Variants in AMZ1 observed in about 807,000 individuals in gnomAD.
The protein encoded by AMZ1 is archaemetzincin-1.
In AMZ1, 39 loss-of-function variants were observed where a neutral mutation model predicts 29.9. The ratio of observed to expected loss-of-function variants is 1.30; its 90% CI spans 1.01 to 1.70. AMZ1 has a LOEUF of 1.70. AMZ1 is among the 40% of genes most tolerant of loss of function. AMZ1 has a pLI of 0.00. For missense variants in AMZ1, 1,041 were observed against 680.6 expected (o/e 1.53, Z -5.89); for synonymous variants, 458 against 304.0 (o/e 1.51, Z -5.27).
intron 3 of AMZ1, 89 bp from the exon 4 acceptor site, chr7:2,708,499 G>A (rs1189924319): frequency 6.4e-7 from 1 of 1,570,930 alleles, no homozygotes; most frequent in African/African-American, 1.3e-5. Context: ...CCCAGGCAGA[G>A]GAAGAGGATG....
downstream of AMZ1, among the ~76,000 whole-genome samples, chr7:2,723,532 G>A (rs1005710371): frequency 6.6e-6 from 1 of 152,178 alleles, no homozygotes; most frequent in African/African-American, 2.4e-5. Context: ...CCGAGGCTGC[G>A]GGAGATCCCT....
chr7:2,762,517 A>G, upstream of AMZ1: 1 of 1,046,170 alleles, frequency 9.6e-7, no homozygotes, highest in African/African-American at 1.6e-5. Flanking sequence ...ACTGTGGACT[A>G]CAAAAGCAGT....
At chr7:2,692,306 C>T (rs911291698) in intron 1 of AMZ1, among the ~76,000 whole-genome samples, 5 of 151,858 alleles carry the variant, frequency 3.3e-5, no homozygotes, top group Non-Finnish European at 5.9e-5. Context: ...TCTGGGAGGC[C>T]GAGGCGGGCG....
Position 2,689,370 on chromosome 7 carries a change from T to TTGGG in AMZ1, c.-219+1074_-219+1075insTGGG, listed in dbSNP as rs1554244929. 1.5e-4 allele frequency among the ~76,000 whole-genome samples: 22 copies of TTGGG among 149,658 alleles called. No individual in the cohort carries two copies. In the South Asian group the frequency reaches 4.5e-3, roughly 30 times the overall value. ...GTTGCTTAGAGCGGCAGAACCTCCCTGGGGGGGGGATGCGGACGTGCTCTT... is the reference window on the plus strand; with the variant it reads ...GTTGCTTAGAGCGGCAGAACCTCCCTTGGGGGGGGGGGGATGCGGACGTGCTCTT... On this transcript the variant is annotated intron_variant, in intron 1 of 6. Transcript: ENST00000683327.
chr7:2,724,897 C>T (rs191419263), intron 4 of AMZ1, among the ~76,000 whole-genome samples: 57 of 152,278 alleles, frequency 3.7e-4, no homozygotes, highest in Non-Finnish European at 7.2e-4. Flanking sequence ...GAGCGATTCT[C>T]GTCCCCGCCA....
rs57615459 is a variant in AMZ1, at chr7:2,695,345, C to T, written c.-218-4889C>T. The stretch of plus-strand genomic sequence containing the variant: ...GGGCATGCGGGTCTGGGCACAGGCT[C>T]GGTCTGCATAGAACCCACGTGGTCC... On this transcript the variant is annotated intron_variant, in intron 1 of 6. Transcript: ENST00000683327. 3.3e-5 allele frequency among the ~76,000 whole-genome samples: 5 copies of T among 151,952 alleles called. No homozygotes were observed. In the South Asian group the frequency reaches 6.2e-4, roughly 19 times the overall value.
intron 1 of AMZ1, among the ~76,000 whole-genome samples, chr7:2,681,844 C>T (rs1172293128): frequency 6.6e-6 from 1 of 152,116 alleles, no homozygotes; most frequent in Non-Finnish European, 1.5e-5. Context: ...CCCCAAGAGA[C>T]AGAGACAGAC....
chr7:2,759,760 C>A (rs527656494), upstream of AMZ1, among the ~76,000 whole-genome samples: 20 of 152,286 alleles, frequency 1.3e-4, no homozygotes, highest in Admixed American at 6.5e-4. Flanking sequence ...AGAGAAAAAA[C>A]ACAGACTGAA....
chr7:2,708,989 C>T (rs1788557538), intron 4 of AMZ1, 86 bp from the exon 5 acceptor site: 2 of 1,449,104 alleles, frequency 1.4e-6, no homozygotes, highest in Middle Eastern at 1.8e-4. Flanking sequence ...GGCCAGCTTG[C>T]ATGAGAGCAT....
intron 4 of AMZ1, among the ~76,000 whole-genome samples, chr7:2,735,267 G>A (rs1032388985): frequency 6.6e-6 from 1 of 152,190 alleles, no homozygotes; most frequent in Non-Finnish European, 1.5e-5. Flanking sequence ...GCTCCCCCAG[G>A]GAGCTGAGAG....
upstream of AMZ1, among the ~76,000 whole-genome samples, chr7:2,764,362 C>G (rs745799753): frequency 6.6e-6 from 1 of 151,868 alleles, no homozygotes; most frequent in Admixed American, 6.6e-5. Context: ...GGATTCCAGG[C>G]GTGTGCTCCC....
At chr7:2,720,576 G>T (rs1056377374), downstream of AMZ1, among the ~76,000 whole-genome samples, 1 of 151,846 alleles carries the variant, frequency 6.6e-6, no homozygotes, top group African/African-American at 2.4e-5. Flanking sequence ...GCTAATTTTT[G>T]TATTTTTTAG....
chr7:2,745,945 C>G (rs370745154), intron 4 of AMZ1, among the ~76,000 whole-genome samples: 45 of 151,942 alleles, frequency 3.0e-4, no homozygotes, highest in South Asian at 1.7e-3. Context: ...AATGGTAAAG[C>G]GATCAATTCA....
intron 4 of AMZ1, 135 bp from the exon 5 acceptor site, chr7:2,708,940 A>G: frequency 1.5e-6 from 2 of 1,291,722 alleles, no homozygotes; most frequent in South Asian, 1.5e-5. Context: ...TCATGTGGGC[A>G]GGACAGGGCC....
upstream of AMZ1, chr7:2,762,618 T>C (rs536236833): frequency 2.6e-6 from 4 of 1,551,392 alleles, no homozygotes; most frequent in South Asian, 4.8e-5. Flanking sequence ...CCCTTCCGGA[T>C]AAGACCCCAA....
At chr7:2,763,066 G>T, upstream of AMZ1, 2 of 1,247,498 alleles carry the variant, frequency 1.6e-6, no homozygotes, top group Non-Finnish European at 2.0e-6. Context: ...CGCAGACCGG[G>T]GCTCCCTACC....
At chr7:2,725,609 G>T (rs567687614) in intron 4 of AMZ1, among the ~76,000 whole-genome samples, 1 of 152,344 alleles carries the variant, frequency 6.6e-6, no homozygotes, top group South Asian at 2.1e-4. Context: ...GACAGGCCAT[G>T]AACCTGGGAC....
rs961253152 is a variant in AMZ1, at chr7:2,717,269, C to G, written c.*4391C>G. Among the ~76,000 whole-genome samples, 11 of 152,366 alleles carry G rather than the reference C, an allele frequency of 7.2e-5. No individual in the cohort carries two copies. The highest frequency in any genetic ancestry group is 2.4e-4 in the African/African-American group (10 of 41,586). On this transcript the variant is annotated 3_prime_UTR_variant, in exon 7 of 7. Coordinates refer to ENST00000683327, the MANE Select transcript of AMZ1 (RefSeq NM_001384743.1). ...GAGGCCTGCACAGGAATATTTTTAT[C>G]CCCGTGAAGACGGAGAGAATCAGGG...
rs368696591 is a variant in AMZ1, at chr7:2,709,128, C to T, written c.655C>T (p.Pro219Ser). 234 of 1,598,526 alleles carry T rather than the reference C, an allele frequency of 1.5e-4. 4 individuals carry two copies. The South Asian group carries it at 1.9e-3, about 13-fold the overall frequency. Residue 219 changes from proline (P) to serine (S), a missense_variant, in exon 5 of 7, where the codon CCC becomes TCC. Coordinates refer to ENST00000683327, the MANE Select transcript of AMZ1 (RefSeq NM_001384743.1). ...RFSGEFPKSG[P>S]SAPDLALVEA... ...CTCAGGGGAATTCCCGAAGTCGGGG[C>T]CCAGCGCCCCTGATCTGGCCCTGGT...
Sources: allele counts gnomAD v4.1 joint callset (sites outside exome capture counted in the v4.1 genomes callset), GRCh38; gene constraint gnomAD v4.1.1; transcripts MANE v1.5; gene names NCBI Gene and HGNC (gene_info 2026-07-23, HGNC 2026-07-21).